Variants in DIS3L observed in about 807,000 individuals in gnomAD.
The protein encoded by DIS3L is DIS3 like exosome 3'-5' exoribonuclease, also known as DIS3-like exonuclease 1.
In DIS3L, 100 loss-of-function variants were observed where a neutral mutation model predicts 120.3. The observed-to-expected ratio is 0.83, with a 90% CI of 0.71 to 0.98. The LOEUF is 0.98. DIS3L is among the 50% of genes least tolerant of loss of function. DIS3L has a pLI of 0.00. For synonymous variants in DIS3L, 426 were observed against 470.6 expected, an observed-to-expected ratio of 0.91 and a Z score of 1.23; for missense variants, 1,196 against 1,314.2, an observed-to-expected ratio of 0.91 and a Z score of 1.39.
At chr15:66,327,635 T>TTGGGAGGTTGAGGCAGGAGC (rs2092952808) in intron 12 of DIS3L, among the ~76,000 whole-genome samples, 1 of 152,052 alleles carries the variant, frequency 6.6e-6, no homozygotes, top group African/African-American at 2.4e-5. Flanking sequence ...TCCCAGCTAC[T>TTGGGAGGTTGAGGCAGGAGC]TGGGAGGTTG....
chr15:66,298,789 C>T (rs1595713171), intron 2 of DIS3L, among the ~76,000 whole-genome samples: 2 of 152,332 alleles, frequency 1.3e-5, no homozygotes, highest in East Asian at 3.9e-4. Flanking sequence ...CCACCATGTT[C>T]ATGTGTTCAC....
In DIS3L at chr15:66,323,521, C is replaced by T. The variant is rs768644711; in HGVS notation, c.1603C>T (p.Arg535Cys). The T allele has an allele frequency of 4.1e-5, 66 of 1,614,138 alleles. No homozygotes were observed. Among genetic ancestry groups the T allele is most frequent in the South Asian group, 1.5e-4 (14 of 91,090 alleles). The change falls in exon 11 of 17, where the codon CGC becomes TGC. Residue 535 changes from arginine (R) to cysteine (C), a missense_variant. Transcript: ENST00000319212. Reference sequence around the variant, plus strand: ...CACCACTTATTATCTAGCAGATCGTCGCTATGACATGCTGCCTTCCGTCCT... The same window carrying T: ...CACCACTTATTATCTAGCAGATCGTTGCTATGACATGCTGCCTTCCGTCCT... ...RATTYYLADR[R>C]YDMLPSVLSA...
chr15:66,316,406 T>C (rs2092817806), intron 7 of DIS3L, among the ~76,000 whole-genome samples: 1 of 152,124 alleles, frequency 6.6e-6, no homozygotes, highest in Non-Finnish European at 1.5e-5. Flanking sequence ...GCTCTCCTGC[T>C]TCAGTCCACT....
intron 2 of DIS3L, among the ~76,000 whole-genome samples, chr15:66,304,089 CAAAAAAAAAAAAA>C (rs34711611): frequency 1.4e-5 from 1 of 72,640 alleles, no homozygotes; most frequent in South Asian, 6.0e-4. Context: ...GACTCTGTTT[CAAAAAAAAAAAAA>C]AAAAAAAAAA....
chr15:66,326,426 AGTT>A lies in DIS3L; in HGVS notation c.2201+66_2201+68del, dbSNP rs2092939224. The A allele has an allele frequency of 1.1e-5, 16 of 1,513,852 alleles. No homozygotes were observed. In the East Asian group the frequency reaches 3.7e-4, roughly 35 times the overall value. The allele number at this position is 1,513,852 out of a possible 1,614,324, so 93.8% of individuals were successfully genotyped here. On this transcript the variant is annotated intron_variant, in intron 12 of 16. Coordinates refer to ENST00000319212, the MANE Select transcript of DIS3L (RefSeq NM_001143688.3). ...CATGCTGTATATTTAGTTATCTTACAGTTGTTCTTAAAATGTGACAGCCAGATC... is the reference window on the plus strand; with the variant it reads ...CATGCTGTATATTTAGTTATCTTACAGTTCTTAAAATGTGACAGCCAGATC...
chr15:66,309,450 A>G (rs1159010115), intron 4 of DIS3L, among the ~76,000 whole-genome samples: 2 of 152,044 alleles, frequency 1.3e-5, no homozygotes, highest in East Asian at 3.9e-4. Flanking sequence ...AAAATTGCCA[A>G]TATTCTTATT....
chr15:66,311,628 A>G (rs568648359), intron 4 of DIS3L, 96 bp from the exon 5 acceptor site: 2 of 1,445,678 alleles, frequency 1.4e-6, no homozygotes, highest in East Asian at 4.6e-5. Flanking sequence ...TCAAGATGGC[A>G]GGCCAGCAAT....
At position 66,329,375 on chromosome 15, in the gene DIS3L, C is replaced by T. The variant is rs779237042; in HGVS notation, c.2511C>T (p.Cys837=). Residue 837 remains cysteine (C), a synonymous_variant, in exon 14 of 17, where the codon TGC becomes TGT. Coordinates refer to ENST00000319212, the MANE Select transcript of DIS3L (RefSeq NM_001143688.3). ...GCAACAAAGATCTTGAGGAATTATG[C>T]AGACATATCAACAACAGAAACCAAG... The part of the protein sequence containing the change: ...LFSNKDLEEL[C]RHINNRNQAA... 10 of 1,608,150 alleles carry T rather than the reference C, an allele frequency of 6.2e-6. No homozygotes were observed. Among genetic ancestry groups the T allele is most frequent in the Non-Finnish European group, 6.8e-6 (8 of 1,178,434 alleles).
intron 5 of DIS3L, among the ~76,000 whole-genome samples, chr15:66,313,759 GTGTGTGTGTGTATATATATA>G (rs575122856): frequency 0.086 from 12,981 of 150,948 alleles, 796 homozygotes; most frequent in Admixed American, 0.14. Context: ...GTGTATATGT[GTGTGTGTGTGTATATATATA>G]TGTGTGTGTG....
At chr15:66,308,872 G>A (rs2092727441) in intron 4 of DIS3L, 28 bp downstream of exon 4, 2 of 1,597,828 alleles carry the variant, frequency 1.3e-6, no homozygotes, top group South Asian at 1.1e-5. Flanking sequence ...ATATGTATGA[G>A]TGCTCATTTT....
At position 66,329,473 on chromosome 15, in the gene DIS3L, G is replaced by A. The variant is rs112268071; in HGVS notation, c.2535+74G>A. The A allele has an allele frequency of 1.9e-4, 280 of 1,472,150 alleles. 1 individual carries two copies. The East Asian group carries it at 4.9e-3, about 26-fold the overall frequency. The allele number at this position is 1,472,150 out of a possible 1,614,324, so 91.2% of individuals were successfully genotyped here. On this transcript the variant is annotated intron_variant, in intron 14 of 16. Transcript: ENST00000319212. ...AATATCAGCTTTATTGTGTAGTACC[G>A]TGAAGTATCATATATTCTAGCAAAT...
rs1595753664 is a variant in DIS3L at position 66,323,347 on chromosome 15, C to T, written c.1575-146C>T. 4.2e-5 allele frequency: 31 copies of T among 729,770 alleles called. No individual in the cohort carries two copies. The East Asian group carries it at 8.0e-4, about 19-fold the overall frequency. 45.2% of individuals were successfully genotyped at this position (729,770 alleles called of 1,614,324 possible). On this transcript the variant is annotated intron_variant, in intron 10 of 16. Coordinates refer to ENST00000319212, the MANE Select transcript of DIS3L (RefSeq NM_001143688.3). The stretch of plus-strand genomic sequence containing the variant: ...TGGGACCATGGGAATAGTTTTATTA[C>T]CCAGTCTGCTGCACTTTATGAAACA...
intron 2 of DIS3L, among the ~76,000 whole-genome samples, chr15:66,300,053 A>AAAAT (rs896972913): frequency 6.6e-6 from 1 of 152,148 alleles, no homozygotes; most frequent in Non-Finnish European, 1.5e-5. Flanking sequence ...TCCATCTCCA[A>AAAAT]AAATAAATAA....
At chr15:66,323,779 C>T (rs1242881281) in intron 11 of DIS3L, among the ~76,000 whole-genome samples, 194 bp downstream of exon 11, 3 of 152,126 alleles carry the variant, frequency 2.0e-5, no homozygotes, top group Non-Finnish European at 4.4e-5. Flanking sequence ...CTCTAGCCTT[C>T]CCTGCCCTTT....
At chr15:66,303,269 A>G (rs1018938371) in intron 2 of DIS3L, among the ~76,000 whole-genome samples, 1 of 152,160 alleles carries the variant, frequency 6.6e-6, no homozygotes, top group African/African-American at 2.4e-5. Flanking sequence ...TAGGTATACA[A>G]ATGTCTGTTT....
At chr15:66,309,812 C>G (rs552902665) in intron 4 of DIS3L, among the ~76,000 whole-genome samples, 4 of 152,256 alleles carry the variant, frequency 2.6e-5, no homozygotes, top group Admixed American at 2.6e-4. Flanking sequence ...CTTCACTCTT[C>G]CCCACTTGTG....
intron 1 of DIS3L, among the ~76,000 whole-genome samples, chr15:66,294,703 G>C (rs7164875): frequency 0.066 from 10,016 of 152,172 alleles, 762 homozygotes; most frequent in African/African-American, 0.19. Context: ...AAATATTCAG[G>C]TTATGCTGAA....
chr15:66,300,186 A>T (rs1018282516), intron 2 of DIS3L, among the ~76,000 whole-genome samples: 4 of 152,258 alleles, frequency 2.6e-5, no homozygotes, highest in African/African-American at 9.6e-5. Flanking sequence ...TGGACTATCC[A>T]TACAGGGGAA....
Position 66,306,888 on chromosome 15 carries a change from G to A in DIS3L, c.358G>A (p.Glu120Lys). ...ARHDCILFAN[E>K]FQQCCYLPRE... Reference sequence around the variant, plus strand: ...TCATGATTGCATTCTCTTTGCTAATGAATTCCAGCAATGCTGCTATCTGCC... The same window carrying A: ...TCATGATTGCATTCTCTTTGCTAATAAATTCCAGCAATGCTGCTATCTGCC... Residue 120 changes from glutamate to lysine, a missense_variant, in exon 3 of 17, where the codon GAA becomes AAA. By Grantham distance (56) the Glu-to-Lys change is moderately conservative. Coordinates refer to ENST00000319212, the MANE Select transcript of DIS3L (RefSeq NM_001143688.3). 1 of 1,614,150 alleles carries A rather than the reference G, an allele frequency of 6.2e-7. No homozygotes were observed. Among genetic ancestry groups the A allele is most frequent in the Non-Finnish European group, 8.5e-7 (1 of 1,180,018 alleles).
Sources: allele counts gnomAD v4.1 joint callset (sites outside exome capture counted in the v4.1 genomes callset), GRCh38; gene constraint gnomAD v4.1.1; transcripts MANE v1.5; gene names NCBI Gene and HGNC (gene_info 2026-07-23, HGNC 2026-07-21).